Variants in UACA observed in about 807,000 individuals in gnomAD.
UACA encodes uveal autoantigen with coiled-coil domains and ankyrin repeats.
UACA carries 112 observed loss-of-function variants against 160.5 expected under a neutral mutation model. The observed-to-expected ratio is 0.70, with a 90% CI of 0.60 to 0.82. UACA has a LOEUF of 0.82. Among genes scored for constraint, UACA ranks in the 40% least tolerant of loss-of-function variants. The pLI, the probability that UACA is intolerant of heterozygous loss-of-function variation, is 0.00. For missense variants in UACA, 1,574 were observed against 1,614.6 expected, an observed-to-expected ratio of 0.97 and a Z score of 0.43; for synonymous variants, 557 against 568.4, an observed-to-expected ratio of 0.98 and a Z score of 0.29.
chr15:70,677,497 T>C (rs1273331276), intron 11 of UACA, among the ~76,000 whole-genome samples: 2 of 152,210 alleles, frequency 1.3e-5, no homozygotes, highest in African/African-American at 4.8e-5. Context: ...GATAGCAAGA[T>C]ATTAAAGTGA....
chr15:70,671,868 G>C, intron 14 of UACA, 97 bp downstream of exon 14: 16 of 981,672 alleles, frequency 1.6e-5, no homozygotes, highest in Non-Finnish European at 2.3e-5. Context: ...GGAATATCTT[G>C]TACAGTTATT....
intron 13 of UACA, 29 bp downstream of exon 13, chr15:70,676,464 T>G: frequency 5.5e-6 from 8 of 1,451,436 alleles, no homozygotes; most frequent in Non-Finnish European, 7.7e-6. Flanking sequence ...CCATTATGAA[T>G]TACAGGAAAT....
At chr15:70,713,899 A>G (rs988412250) in intron 1 of UACA, among the ~76,000 whole-genome samples, 3 of 152,180 alleles carry the variant, frequency 2.0e-5, no homozygotes, top group African/African-American at 7.2e-5. Flanking sequence ...AAAAACAACC[A>G]TAAAAATAGC....
chr15:70,667,963 T>C lies in UACA; in HGVS notation c.2721A>G (p.Leu907=). Residue 907 remains leucine, a synonymous_variant, in exon 16 of 19, where the codon TTA becomes TTG. Transcript: ENST00000322954. ...TCTGAGTGTTTTCCAGGTTTCTTTT[T>C]AATATTTCATTCTTATCTTTTATTT... The part of the protein sequence containing the change: ...FVKIKDKNEI[L]KRNLENTQNQ... The C allele has an allele frequency of 1.2e-6, 2 of 1,606,488 alleles. No homozygotes were observed. Among genetic ancestry groups the C allele is most frequent in the Non-Finnish European group, 1.7e-6 (2 of 1,176,744 alleles).
chr15:70,677,276 T>C, intron 11 of UACA, 136 bp from the exon 12 acceptor site: 2 of 595,230 alleles, frequency 3.4e-6, no homozygotes, highest in Non-Finnish European at 5.9e-6. Flanking sequence ...GAAAATTATG[T>C]ACAATTCTGT....
chr15:70,691,800 G>GT (rs1897947882), intron 3 of UACA, among the ~76,000 whole-genome samples: 1 of 152,126 alleles, frequency 6.6e-6, no homozygotes, highest in Non-Finnish European at 1.5e-5. Context: ...GTTAAGAAGC[G>GT]TAAGGCATAG....
intron 11 of UACA, 125 bp downstream of exon 11, chr15:70,677,974 T>C: frequency 1.6e-6 from 1 of 627,490 alleles, no homozygotes; most frequent in Non-Finnish European, 2.6e-6. Context: ...AAAATCCTGG[T>C]CCCCAGTAAG....
chr15:70,689,013 T>C (rs947156718), intron 5 of UACA, among the ~76,000 whole-genome samples: 3 of 152,172 alleles, frequency 2.0e-5, no homozygotes, highest in African/African-American at 2.4e-5. Context: ...CAGATAAATA[T>C]AGCCAATTGA....
intron 1 of UACA, among the ~76,000 whole-genome samples, chr15:70,740,843 C>A (rs563581422): frequency 2.6e-5 from 4 of 151,830 alleles, no homozygotes; most frequent in Non-Finnish European, 5.9e-5. Flanking sequence ...AGTTTGAGAC[C>A]ACCTGGCCAA....
chr15:70,743,063 G>A (rs558221707), intron 1 of UACA, among the ~76,000 whole-genome samples: 48 of 152,206 alleles, frequency 3.2e-4, no homozygotes, highest in African/African-American at 1.1e-3. Context: ...GTTCCCTTAA[G>A]GTATAGGACT....
rs144784600 is a variant in UACA, at chr15:70,667,484, T to G, written c.3200A>C (p.Glu1067Ala). 183 of 1,611,302 alleles carry G rather than the reference T, an allele frequency of 1.1e-4. No homozygotes were observed. In the Middle Eastern group the frequency reaches 1.5e-3, roughly 13 times the overall value. Residue 1067 changes from glutamate (E) to alanine (A), a missense_variant, in exon 16 of 19, where the codon GAG becomes GCG. Physicochemically the swap from Glu to Ala is moderately radical, Grantham distance 107. Coordinates refer to ENST00000322954, the MANE Select transcript of UACA (RefSeq NM_018003.4). The part of the protein sequence containing the change: ...MERALSRKTD[E>A]LNKQLKDLSQ... ...CAAGTCTTTTAACTGTTTGTTTAGCTCGTCTGTTTTTCTGCTTAATGCTCT... is the reference window on the plus strand; with the variant it reads ...CAAGTCTTTTAACTGTTTGTTTAGCGCGTCTGTTTTTCTGCTTAATGCTCT...
intron 15 of UACA, 108 bp from the exon 16 acceptor site, chr15:70,669,570 G>C: frequency 1.2e-6 from 1 of 863,148 alleles, no homozygotes; most frequent in Non-Finnish European, 1.7e-6. Flanking sequence ...GAATCAAAGG[G>C]TTTTCAGATT....
At chr15:70,663,532 TCATGCTGCTATAAAGACA>T (rs1210598379) in intron 17 of UACA, among the ~76,000 whole-genome samples, 43 of 152,184 alleles carry the variant, frequency 2.8e-4, no homozygotes, top group African/African-American at 8.9e-4. Flanking sequence ...GGATTATAGA[TCATGCTGCTATAAAGACA>T]CATGCTGCTA....
At chr15:70,778,547 A>AT in the UACA span, among the ~76,000 whole-genome samples, 15 of 152,146 alleles carry the variant, frequency 9.9e-5, no homozygotes, top group Non-Finnish European at 8.8e-5. Context: ...GCTAGGAAAG[A>AT]TTTTTTTATT....
chr15:70,668,636 T>A lies in UACA; in HGVS notation c.2048A>T (p.Lys683Ile). The change falls in exon 16 of 19, where the codon AAA becomes ATA. Residue 683 changes from lysine to isoleucine, a missense_variant. By Grantham distance (102) the Lys-to-Ile change is moderately radical. Coordinates refer to ENST00000322954, the MANE Select transcript of UACA (RefSeq NM_018003.4). Reference sequence around the variant, plus strand: ...CTTAACCTGTTCATGTTCCTCTGGTTTGACGTGCTGAGCAAGCTTGGCCTT... The same window carrying A: ...CTTAACCTGTTCATGTTCCTCTGGTATGACGTGCTGAGCAAGCTTGGCCTT... ...NVKAKLAQHV[K>I]PEEHEQVKSR... is the part of the protein sequence containing the mutation. 6 of 1,614,094 alleles carry A rather than the reference T, an allele frequency of 3.7e-6. No individual in the cohort carries two copies. The highest frequency in any genetic ancestry group is 5.1e-6 in the Non-Finnish European group (6 of 1,180,012).
At chr15:70,687,493 T>A (rs117280349) in intron 7 of UACA, 47 bp downstream of exon 7, 2 of 1,583,538 alleles carry the variant, frequency 1.3e-6, no homozygotes, top group African/African-American at 2.7e-5. Flanking sequence ...GGCCTTTCCA[T>A]CCCTGTGTAT....
At chr15:70,739,525 G>C (rs1810333634) in intron 1 of UACA, among the ~76,000 whole-genome samples, 1 of 152,148 alleles carries the variant, frequency 6.6e-6, no homozygotes, top group Admixed American at 6.5e-5. Context: ...ATATTGGCAA[G>C]AATATAATTG....
In UACA at chr15:70,718,324, A is replaced by ATGTGTGTGTGTGTGTG. The variant is rs59313425; in HGVS notation, c.79-18680_79-18665dup. Among the ~76,000 whole-genome samples the ATGTGTGTGTGTGTGTG allele has an allele frequency of 1.6e-3, 94 of 60,230 alleles. 4 individuals carry two copies. The highest frequency in any genetic ancestry group is 3.5e-3 in the African/African-American group (52 of 14,734). 39.5% of individuals were successfully genotyped at this position (60,230 alleles called of 152,430 possible). A position where few individuals can be genotyped will look rare whatever the true frequency, so the allele number is the denominator to read the frequency against. On this transcript the variant is annotated intron_variant, in intron 1 of 18. Transcript: ENST00000322954. Reference sequence around the variant, plus strand: ...AGAGGGAGAGGGAGAGAGAGAGAGAATGTGTGTGTGTGTGTGTGTGTGTGT... The same window carrying ATGTGTGTGTGTGTGTG: ...AGAGGGAGAGGGAGAGAGAGAGAGAATGTGTGTGTGTGTGTGTGTGTGTGTGTGTGTGTGTGTGTGT...
chr15:70,669,611 C>T, intron 15 of UACA, 149 bp from the exon 16 acceptor site: 1 of 601,508 alleles, frequency 1.7e-6, no homozygotes, highest in Non-Finnish European at 2.8e-6. Flanking sequence ...AATCACAATG[C>T]TGATTTTTGT....
Sources: allele counts gnomAD v4.1 joint callset (sites outside exome capture counted in the v4.1 genomes callset), GRCh38; gene constraint gnomAD v4.1.1; transcripts MANE v1.5; gene names NCBI Gene and HGNC (gene_info 2026-07-23, HGNC 2026-07-21).